The following ZNF385D variants were observed in gnomAD, a reference collection of about 807,000 sequenced individuals.
The protein encoded by ZNF385D is zinc finger protein 385D.
ZNF385D carries 15 observed loss-of-function variants against 35.8 expected under a neutral mutation model. That is an observed-to-expected ratio of 0.42 (90% CI 0.28 to 0.64). The LOEUF is 0.64. Ranked by LOEUF, ZNF385D falls within the 30% of genes least tolerant of loss-of-function variation. The probability of loss-of-function intolerance (pLI) is 0.23; values close to 1 mark genes in which losing one functional copy is unlikely to be tolerated. For synonymous variants in ZNF385D, 212 were observed against 186.8 expected (o/e 1.13, Z -1.10); for missense variants, 474 against 494.6 (o/e 0.96, Z 0.39).
chr3:21,628,410 C>G (rs1412884306), intron 2 of ZNF385D, among the ~76,000 whole-genome samples: 1 of 151,972 alleles, frequency 6.6e-6, no homozygotes, highest in Non-Finnish European at 1.5e-5. Context: ...CTGCCACTAA[C>G]TGATTGTGTT....
chr3:22,364,987 A>G (rs1298130698), intron 2 of ZNF385D, among the ~76,000 whole-genome samples: 1 of 151,460 alleles, frequency 6.6e-6, no homozygotes, highest in Non-Finnish European at 1.5e-5. Context: ...TAAGCCAATT[A>G]CAAAAAGACA....
intron 3 of ZNF385D, among the ~76,000 whole-genome samples, chr3:21,828,288 T>C (rs868668148): frequency 2.6e-5 from 4 of 152,218 alleles, no homozygotes; most frequent in Non-Finnish European, 4.4e-5. Context: ...CAGGAAATCT[T>C]TGAATGTCAG....
chr3:21,821,389 TATG>T (rs1437497834), intron 3 of ZNF385D, among the ~76,000 whole-genome samples: 1 of 152,202 alleles, frequency 6.6e-6, no homozygotes, highest in Non-Finnish European at 1.5e-5. Flanking sequence ...TAAAGGCTTT[TATG>T]ATAAATACTC....
chr3:22,005,729 T>C (rs964481577), intron 3 of ZNF385D, among the ~76,000 whole-genome samples: 5 of 152,040 alleles, frequency 3.3e-5, no homozygotes, highest in Non-Finnish European at 7.4e-5. Flanking sequence ...AAATAAAACA[T>C]AGTAAAGGAA....
At chr3:21,470,505 A>G (rs2125340734) in intron 4 of ZNF385D, among the ~76,000 whole-genome samples, 1 of 152,332 alleles carries the variant, frequency 6.6e-6, no homozygotes, top group African/African-American at 2.4e-5. Context: ...TAGAAGTACT[A>G]TCAAAAGACA....
At chr3:21,947,296 C>T (rs1701839498) in intron 3 of ZNF385D, among the ~76,000 whole-genome samples, 1 of 151,988 alleles carries the variant, frequency 6.6e-6, no homozygotes, top group South Asian at 2.1e-4. Context: ...ACAGTTAAGC[C>T]ACTCTCTTAT....
At chr3:22,037,636 A>C (rs1431010526) in intron 3 of ZNF385D, among the ~76,000 whole-genome samples, 1 of 152,000 alleles carries the variant, frequency 6.6e-6, no homozygotes, top group Non-Finnish European at 1.5e-5. Context: ...AGATTGCAAA[A>C]ATTTTCTCCC....
chr3:21,664,744 A>G lies in ZNF385D; in HGVS notation c.165+142T>C, dbSNP rs2066351266. On this transcript the variant is annotated intron_variant, in intron 2 of 7. Transcript: ENST00000281523. ...GGGGATTTTGCCTAACCAAGCAAACAACTAACTTCATTATGGCTTCTAGAC... is the reference window on the plus strand; with the variant it reads ...GGGGATTTTGCCTAACCAAGCAAACGACTAACTTCATTATGGCTTCTAGAC... The G allele has an allele frequency of 3.4e-6, 4 of 1,168,080 alleles. No individual in the cohort carries two copies. In the African/African-American group the frequency reaches 4.7e-5, roughly 14 times the overall value. 72.4% of individuals were successfully genotyped at this position (1,168,080 alleles called of 1,614,324 possible).
At chr3:21,723,849 C>T (rs2068643487) in intron 1 of ZNF385D, among the ~76,000 whole-genome samples, 1 of 151,978 alleles carries the variant, frequency 6.6e-6, no homozygotes, top group African/African-American at 2.4e-5. Flanking sequence ...ACATAATGGT[C>T]AGATTTACCA....
chr3:21,710,039 A>G (rs1340049030), intron 1 of ZNF385D, among the ~76,000 whole-genome samples: 7 of 152,216 alleles, frequency 4.6e-5, no homozygotes, highest in African/African-American at 1.2e-4. Context: ...GCCAGTTTCA[A>G]AAGACTACAT....
At chr3:21,630,430 C>A (rs752978415) in intron 2 of ZNF385D, among the ~76,000 whole-genome samples, 2 of 152,078 alleles carry the variant, frequency 1.3e-5, no homozygotes, top group Non-Finnish European at 2.9e-5. Context: ...GTCTTGAACT[C>A]CTGACCTCAG....
chr3:22,254,361 T>G lies in ZNF385D; in HGVS notation c.107-85326A>C, dbSNP rs538857743. Among the ~76,000 whole-genome samples, 3 of 151,970 alleles carry G rather than the reference T, an allele frequency of 2.0e-5. No homozygotes were observed. The East Asian group carries it at 5.8e-4, about 30-fold the overall frequency. On this transcript the variant is annotated intron_variant, in intron 2 of 5. Coordinates refer to the ZNF385D transcript ENST00000494108. ...TATTTTTCCGTGCAAGCAGGGTACA[T>G]GCATGATGGTTGTCCTCTCCAGTGA...
chr3:21,422,393 T>A (rs1700783658), intron 7 of ZNF385D, among the ~76,000 whole-genome samples: 1 of 152,186 alleles, frequency 6.6e-6, no homozygotes, highest in South Asian at 2.1e-4. Flanking sequence ...CAAGGGTACA[T>A]ATACAGGTTT....
At chr3:21,828,643 T>A (rs997201304) in intron 3 of ZNF385D, among the ~76,000 whole-genome samples, 4 of 152,166 alleles carry the variant, frequency 2.6e-5, no homozygotes, top group Admixed American at 2.0e-4. Flanking sequence ...AGAACAGAAA[T>A]AAACCATCTT....
At chr3:21,894,837 A>G (rs1699049708) in intron 3 of ZNF385D, among the ~76,000 whole-genome samples, 1 of 152,156 alleles carries the variant, frequency 6.6e-6, no homozygotes, top group African/African-American at 2.4e-5. Flanking sequence ...AGAAACGTAG[A>G]GCTTGACACA....
intron 2 of ZNF385D, among the ~76,000 whole-genome samples, chr3:22,169,766 A>C (rs1383983389): frequency 6.6e-6 from 1 of 152,194 alleles, no homozygotes; most frequent in Non-Finnish European, 1.5e-5. Flanking sequence ...AGGTCAACCC[A>C]TAATTTCAGT....
intron 1 of ZNF385D, among the ~76,000 whole-genome samples, chr3:21,699,650 A>G (rs2067600248): frequency 6.6e-6 from 1 of 152,042 alleles, no homozygotes; most frequent in African/African-American, 2.4e-5. Context: ...AATATAAAAC[A>G]TTTCATGAAT....
chr3:21,966,047 T>C (rs1702894815), intron 3 of ZNF385D, among the ~76,000 whole-genome samples: 1 of 152,198 alleles, frequency 6.6e-6, no homozygotes, highest in Non-Finnish European at 1.5e-5. Flanking sequence ...TTTTCTTCTT[T>C]CCTAGATCTT....
intron 2 of ZNF385D, among the ~76,000 whole-genome samples, chr3:21,570,086 TAAA>T (rs909927873): frequency 6.7e-6 from 1 of 148,630 alleles, no homozygotes; most frequent in Non-Finnish European, 1.5e-5. Flanking sequence ...AATTACACCT[TAAA>T]AAAAAAGAAT....
Sources: allele counts gnomAD v4.1 joint callset (sites outside exome capture counted in the v4.1 genomes callset), GRCh38; gene constraint gnomAD v4.1.1; transcripts MANE v1.5; gene names NCBI Gene and HGNC (gene_info 2026-07-23, HGNC 2026-07-21).